CAB39L: variants seen among roughly 807,000 people sequenced by gnomAD.
The protein encoded by CAB39L is calcium-binding protein 39-like.
CAB39L carries 23 observed loss-of-function variants against 39.1 expected under a neutral mutation model. The observed-to-expected ratio is 0.59, with a 90% CI of 0.42 to 0.83. The LOEUF (loss-of-function observed/expected upper bound fraction) is 0.83. CAB39L is among the 40% of genes least tolerant of loss of function. The pLI is 0.00. For missense variants in CAB39L, 366 were observed against 391.9 expected (o/e 0.93, Z 0.56); for synonymous variants, 126 against 137.2 (o/e 0.92, Z 0.57).
chr13:49,336,807 C>T lies in CAB39L; in HGVS notation c.690+2870G>A, dbSNP rs575418773. The stretch of plus-strand genomic sequence containing the variant: ...TACAAATAACGAGTTCTGTTCTTTA[C>T]GTATGCAGCTGTATAAAGAGAATAC... On this transcript the variant is annotated intron_variant, in intron 9 of 10. Coordinates refer to ENST00000409308, the MANE Select transcript of CAB39L (RefSeq NM_001079670.3). 4.6e-5 allele frequency among the ~76,000 whole-genome samples: 7 copies of T among 152,276 alleles called. No individual in the cohort carries two copies. The East Asian group carries it at 9.6e-4, about 21-fold the overall frequency.
Position 49,309,189 on chromosome 13 carries a change from G to A in CAB39L, c.*1625C>T, listed in dbSNP as rs1953919771. On this transcript the variant is annotated 3_prime_UTR_variant, in exon 11 of 11. Transcript: ENST00000409308. ...AGTGACTAAAGAGTACGGGTCATCA[G>A]GCTGCCGGCCGGCCTCCTGCAAGGG... 6.6e-6 allele frequency: 1 copy of A among 152,244 alleles called. No individual in the cohort carries two copies. The highest frequency in any genetic ancestry group is 1.5e-5 in the Non-Finnish European group (1 of 68,050). The allele number at this position is 152,244 out of a possible 1,614,324, so 9.4% of individuals were successfully genotyped here.
chr13:49,365,372 T>C (rs1282086633), intron 5 of CAB39L, among the ~76,000 whole-genome samples: 1 of 152,180 alleles, frequency 6.6e-6, no homozygotes, highest in Non-Finnish European at 1.5e-5. Flanking sequence ...GGGGAAACTC[T>C]CCAGGACATT....
intron 3 of CAB39L, among the ~76,000 whole-genome samples, chr13:49,398,872 TC>T (rs1338666847): frequency 2.0e-5 from 3 of 152,032 alleles, no homozygotes; most frequent in Non-Finnish European, 2.9e-5. Flanking sequence ...CTTTAGAATG[TC>T]CCATGTACTC....
intron 10 of CAB39L, among the ~76,000 whole-genome samples, chr13:49,322,368 G>A (rs1954373139): frequency 6.6e-6 from 1 of 152,206 alleles, no homozygotes; most frequent in African/African-American, 2.4e-5. Flanking sequence ...GGTTTTGAAA[G>A]TATTCAATGA....
At chr13:49,331,191 C>T (rs1954681843) in intron 10 of CAB39L, among the ~76,000 whole-genome samples, 1 of 152,112 alleles carries the variant, frequency 6.6e-6, no homozygotes, top group Admixed American at 6.5e-5. Flanking sequence ...TAGGGCCAGG[C>T]ACAGTGGCTC....
intron 5 of CAB39L, among the ~76,000 whole-genome samples, chr13:49,365,676 A>G (rs1013053460): frequency 6.6e-6 from 1 of 152,142 alleles, no homozygotes; most frequent in African/African-American, 2.4e-5. Flanking sequence ...GGGAAAAGGA[A>G]CCCCTCATAT....
At chr13:49,378,554 C>A (rs1482806314) in intron 4 of CAB39L, among the ~76,000 whole-genome samples, 4 of 68,986 alleles carry the variant, frequency 5.8e-5, no homozygotes, top group Non-Finnish European at 1.2e-4. Context: ...TCAGCCCCCC[C>A]ACCCGGCCAG....
chr13:49,318,345 T>C (rs1288114926), intron 10 of CAB39L, among the ~76,000 whole-genome samples: 2 of 150,550 alleles, frequency 1.3e-5, no homozygotes, highest in South Asian at 4.2e-4. Context: ...GTGCACATTG[T>C]AGTTCCAGCT....
In CAB39L at chr13:49,345,442, C is replaced by G. The variant is rs549383036; in HGVS notation, c.565-1204G>C. ...GTGGAAACATGGTGTTTTTCCCCCC[C>G]AGTGGAGCAGAGCATTCATTACCAC... On this transcript the variant is annotated intron_variant, in intron 7 of 10. Coordinates refer to ENST00000409308, the MANE Select transcript of CAB39L (RefSeq NM_001079670.3). Among the ~76,000 whole-genome samples, 6 of 152,266 alleles carry G rather than the reference C, an allele frequency of 3.9e-5. No homozygotes were observed. The South Asian group carries it at 1.2e-3, about 32-fold the overall frequency.
At chr13:49,356,493 T>C (rs1955488477) in intron 6 of CAB39L, among the ~76,000 whole-genome samples, 1 of 152,204 alleles carries the variant, frequency 6.6e-6, no homozygotes, top group Non-Finnish European at 1.5e-5. Context: ...TCATAGAACT[T>C]GGGCTCCAAA....
intron 3 of CAB39L, among the ~76,000 whole-genome samples, chr13:49,395,956 T>C (rs1956610207): frequency 6.6e-6 from 1 of 152,028 alleles, no homozygotes; most frequent in Non-Finnish European, 1.5e-5. Context: ...ATCTAATCTC[T>C]AACTATGCTA....
At chr13:49,392,110 A>G (rs943281913) in intron 3 of CAB39L, among the ~76,000 whole-genome samples, 6 of 148,092 alleles carry the variant, frequency 4.1e-5, no homozygotes, top group Non-Finnish European at 8.8e-5. Flanking sequence ...GAAATTATAC[A>G]CACACACACA....
chr13:49,395,840 AG>A (rs955863603), intron 3 of CAB39L, among the ~76,000 whole-genome samples: 10 of 152,174 alleles, frequency 6.6e-5, no homozygotes, highest in Middle Eastern at 6.8e-3. Context: ...GGCAGGGGGC[AG>A]GGGGGTAGGA....
intron 9 of CAB39L, among the ~76,000 whole-genome samples, chr13:49,337,732 G>GCGCACACA (rs917662958): frequency 9.0e-5 from 13 of 144,212 alleles, no homozygotes; most frequent in Admixed American, 6.3e-4. Flanking sequence ...CTGCTCTGGC[G>GCGCACACA]CACACACACA....
intron 4 of CAB39L, 87 bp downstream of exon 4, chr13:49,382,713 T>A (rs1956273913): frequency 2.4e-6 from 2 of 822,332 alleles, no homozygotes; most frequent in East Asian, 5.0e-5. Flanking sequence ...ACAGACCATA[T>A]TTTGAATTCT....
intron 3 of CAB39L, among the ~76,000 whole-genome samples, chr13:49,421,725 G>A (rs1405702588): frequency 6.6e-6 from 1 of 151,980 alleles, no homozygotes; most frequent in Non-Finnish European, 1.5e-5. Flanking sequence ...TGGAGAGCCT[G>A]AACCTCCTCC....
At chr13:49,389,983 C>T (rs1035860974) in intron 3 of CAB39L, among the ~76,000 whole-genome samples, 2 of 152,002 alleles carry the variant, frequency 1.3e-5, no homozygotes, top group Non-Finnish European at 2.9e-5. Context: ...CCACCATGTC[C>T]GGTTAATTTT....
intron 10 of CAB39L, among the ~76,000 whole-genome samples, chr13:49,314,688 A>T (rs1255027860): frequency 1.3e-5 from 2 of 152,220 alleles, no homozygotes; most frequent in Non-Finnish European, 2.9e-5. Context: ...GCGCAGATTC[A>T]GAAGCACACA....
At chr13:49,434,877 C>T (rs1957384847) in intron 1 of CAB39L, among the ~76,000 whole-genome samples, 1 of 151,892 alleles carries the variant, frequency 6.6e-6, no homozygotes, top group Non-Finnish European at 1.5e-5. Context: ...CACCAAAATG[C>T]GATATAGATG....
Sources: allele counts gnomAD v4.1 joint callset (sites outside exome capture counted in the v4.1 genomes callset), GRCh38; gene constraint gnomAD v4.1.1; transcripts MANE v1.5; gene names NCBI Gene and HGNC (gene_info 2026-07-23, HGNC 2026-07-21).